The following TUSC3 variants were observed in gnomAD, a reference collection of about 807,000 sequenced individuals.
TUSC3 encodes tumor suppressor candidate 3, also known as dolichyl-diphosphooligosaccharide--protein glycosyltransferase subunit TUSC3.
In TUSC3, 45 loss-of-function variants were observed where a neutral mutation model predicts 44.8. The ratio of observed to expected loss-of-function variants is 1.00; its 90% CI spans 0.79 to 1.29. The LOEUF is 1.29. Ranked by LOEUF, TUSC3 falls within the 50% of genes most tolerant of loss-of-function variation. TUSC3 has a pLI of 0.00. For synonymous variants in TUSC3, 212 were observed against 152.9 expected (o/e 1.39, Z -2.85); for missense variants, 519 against 437.9 (o/e 1.19, Z -1.65).
chr8:15,577,587 T>C (rs1803167114), intron 1 of TUSC3, among the ~76,000 whole-genome samples: 1 of 148,672 alleles, frequency 6.7e-6, no homozygotes, highest in Non-Finnish European at 1.5e-5. Context: ...TCCCCATTGC[T>C]TGTTTTTCTC....
intron 2 of TUSC3, among the ~76,000 whole-genome samples, chr8:15,635,397 G>A (rs1806020777): frequency 6.6e-6 from 1 of 152,154 alleles, no homozygotes; most frequent in South Asian, 2.1e-4. Context: ...AATGCTGGAT[G>A]CTAGCAGATG....
intron 1 of TUSC3, among the ~76,000 whole-genome samples, chr8:15,444,108 A>G (rs1039849773): frequency 1.3e-5 from 2 of 152,210 alleles, no homozygotes; most frequent in East Asian, 1.9e-4. Context: ...TCTAGTGTCC[A>G]GTGCTAATTT....
At chr8:15,750,115 G>A (rs1811630410) in intron 9 of TUSC3, among the ~76,000 whole-genome samples, 2 of 151,240 alleles carry the variant, frequency 1.3e-5, no homozygotes, top group Non-Finnish European at 2.9e-5. Context: ...GAGTAGCTGG[G>A]ACTACGGGTG....
intron 1 of TUSC3, among the ~76,000 whole-genome samples, chr8:15,590,165 TC>T (rs1446130316): frequency 1.3e-5 from 2 of 152,190 alleles, no homozygotes; most frequent in Non-Finnish European, 2.9e-5. Context: ...CTTAGATAAT[TC>T]CAATGTACAG....
chr8:15,493,420 G>T (rs780182287), intron 2 of TUSC3, among the ~76,000 whole-genome samples: 1 of 152,026 alleles, frequency 6.6e-6, no homozygotes, highest in Middle Eastern at 3.4e-3. Flanking sequence ...GCCCCATCAT[G>T]CCTGGCTACT....
chr8:15,600,279 A>G (rs1163226825), intron 1 of TUSC3, among the ~76,000 whole-genome samples: 1 of 151,770 alleles, frequency 6.6e-6, no homozygotes, highest in Non-Finnish European at 1.5e-5. Flanking sequence ...TGACAGCAAG[A>G]TAAAATAATG....
chr8:15,743,544 C>T lies in TUSC3; in HGVS notation c.869C>T (p.Ala290Val). ...ESHIILVLNA[A>V]ITMGMVLLNE... ...TCCTTGACAACTACTGCAGATGCCG[C>T]TATCACCATGGGGATGGTTCTTCTA... Residue 290 changes from alanine (A) to valine (V), a missense_variant, in exon 8 of 11, where the codon GCT (alanine) becomes GTT (valine). Physicochemically the swap from Ala to Val is moderately conservative, Grantham distance 64 (BLOSUM62 0). Coordinates refer to ENST00000503731, the MANE Select transcript of TUSC3 (RefSeq NM_006765.4). 6.2e-7 allele frequency: 1 copy of T among 1,613,954 alleles called. No individual in the cohort carries two copies. The highest frequency in any genetic ancestry group is 8.5e-7 in the Non-Finnish European group (1 of 1,179,858).
At chr8:15,461,105 A>G (rs1800338531) in intron 1 of TUSC3, among the ~76,000 whole-genome samples, 1 of 152,288 alleles carries the variant, frequency 6.6e-6, no homozygotes, top group Admixed American at 6.5e-5. Context: ...TTGAATGTGT[A>G]GATTGCCTTT....
chr8:15,797,840 G>C, the TUSC3 span, among the ~76,000 whole-genome samples: 1 of 152,178 alleles, frequency 6.6e-6, no homozygotes, highest in Non-Finnish European at 1.5e-5. Context: ...CATCCGCAAC[G>C]GCTGACGTGT....
At chr8:15,630,583 G>A (rs1805714711) in intron 2 of TUSC3, among the ~76,000 whole-genome samples, 1 of 152,094 alleles carries the variant, frequency 6.6e-6, no homozygotes, top group African/African-American at 2.4e-5. Context: ...TAACTGTTCA[G>A]GGTTGCGATT....
chr8:15,676,891 G>A (rs533445821), intron 6 of TUSC3, among the ~76,000 whole-genome samples: 1 of 152,106 alleles, frequency 6.6e-6, no homozygotes, highest in Non-Finnish European at 1.5e-5. Flanking sequence ...TCTGCAAAAA[G>A]GAGAAAATTT....
chr8:15,429,374 C>T (rs1268886118), intron 1 of TUSC3, among the ~76,000 whole-genome samples: 3 of 150,696 alleles, frequency 2.0e-5, no homozygotes, highest in Non-Finnish European at 4.4e-5. Flanking sequence ...TTACTGTAGC[C>T]TTGTAGTATA....
intron 2 of TUSC3, among the ~76,000 whole-genome samples, chr8:15,515,743 C>T (rs1247313123): frequency 6.6e-6 from 1 of 152,158 alleles, no homozygotes. Flanking sequence ...TCTCGGCCCA[C>T]TGCAACCTCT....
the TUSC3 span, among the ~76,000 whole-genome samples, chr8:15,822,271 A>G: frequency 6.6e-6 from 1 of 152,234 alleles, no homozygotes; most frequent in African/African-American, 2.4e-5. Context: ...AGATCAAATT[A>G]GCAGAAGATA....
intron 1 of TUSC3, among the ~76,000 whole-genome samples, chr8:15,465,303 C>T (rs1026155817): frequency 4.6e-5 from 7 of 152,176 alleles, no homozygotes; most frequent in African/African-American, 1.7e-4. Flanking sequence ...GTAAATGTAA[C>T]TGCCATGTGG....
the TUSC3 span, among the ~76,000 whole-genome samples, chr8:15,834,081 CT>C: frequency 6.6e-6 from 1 of 151,972 alleles, no homozygotes; most frequent in East Asian, 2.0e-4. Context: ...TTATATTTTT[CT>C]TATAGTACTC....
intron 1 of TUSC3, among the ~76,000 whole-genome samples, chr8:15,573,088 C>A (rs1484274415): frequency 6.6e-6 from 1 of 151,140 alleles, no homozygotes; most frequent in Non-Finnish European, 1.5e-5. Context: ...AATGCCTTAT[C>A]TGTGAAGCGC....
intron 1 of TUSC3, among the ~76,000 whole-genome samples, chr8:15,437,191 T>G (rs930653718): frequency 7.2e-5 from 11 of 152,328 alleles, no homozygotes; most frequent in African/African-American, 2.6e-4. Context: ...ATTGTATTAA[T>G]TGTATTACAT....
At chr8:15,830,956 C>A in the TUSC3 span, among the ~76,000 whole-genome samples, 2 of 151,922 alleles carry the variant, frequency 1.3e-5, no homozygotes, top group South Asian at 2.1e-4. Context: ...CACCTTGCCA[C>A]GCTGTCACTG....
Sources: allele counts gnomAD v4.1 joint callset (sites outside exome capture counted in the v4.1 genomes callset), GRCh38; gene constraint gnomAD v4.1.1; transcripts MANE v1.5; gene names NCBI Gene and HGNC (gene_info 2026-07-23, HGNC 2026-07-21).